CHD1: variants seen among roughly 807,000 people sequenced by gnomAD.
The protein encoded by CHD1 is chromodomain helicase DNA binding protein 1, also known as ATP-dependent chromatin remodeler CHD1.
Under a neutral mutation model 224.2 loss-of-function variants are expected in CHD1, and 36 were observed. That is an observed-to-expected ratio of 0.16 (90% CI 0.12 to 0.21). The LOEUF is 0.21. Ranked by LOEUF, CHD1 falls within the 10% of genes least tolerant of loss-of-function variation. CHD1 has a pLI of 1.00. For missense variants in CHD1, 1,378 were observed against 1,994.8 expected (o/e 0.69, Z 5.89); for synonymous variants, 668 against 658.3 (o/e 1.01, Z -0.23).
At chr5:98,921,894 G>T (rs1002460084) in intron 2 of CHD1, among the ~76,000 whole-genome samples, 3 of 152,190 alleles carry the variant, frequency 2.0e-5, no homozygotes, top group African/African-American at 7.2e-5. Context: ...GCTCATGCCT[G>T]TAATCCCAGC....
chr5:98,862,237 C>A (rs893959441), intron 32 of CHD1, among the ~76,000 whole-genome samples: 9 of 152,328 alleles, frequency 5.9e-5, no homozygotes, highest in African/African-American at 2.2e-4. Flanking sequence ...CTCTTTCCTT[C>A]CCCATCTCCC....
intron 15 of CHD1, among the ~76,000 whole-genome samples, chr5:98,890,703 C>T (rs541320486): frequency 1.1e-4 from 16 of 152,108 alleles, no homozygotes; most frequent in Non-Finnish European, 2.2e-4. Context: ...ACAAAATATA[C>T]TCTTCTCATA....
intron 2 of CHD1, among the ~76,000 whole-genome samples, chr5:98,910,921 GAC>G (rs1420528129): frequency 6.6e-6 from 1 of 150,928 alleles, no homozygotes; most frequent in Non-Finnish European, 1.5e-5. Flanking sequence ...TTTTATTTAT[GAC>G]AGTGTGTATT....
At chr5:98,897,348 A>T in intron 10 of CHD1, 28 bp from the exon 11 acceptor site, 27 of 1,457,836 alleles carry the variant, frequency 1.9e-5, no homozygotes, top group Non-Finnish European at 2.5e-5. Flanking sequence ...ATTATTATGT[A>T]GAGTTATTAA....
At position 98,887,279 on chromosome 5, in the gene CHD1, C is replaced by G. The variant is rs144101994; in HGVS notation, c.2496+809G>C. Among the ~76,000 whole-genome samples, 230 of 152,256 alleles carry G rather than the reference C, an allele frequency of 1.5e-3. 1 individual carries two copies. In the East Asian group the frequency reaches 0.015, roughly 10 times the overall value. On this transcript the variant is annotated intron_variant, in intron 17 of 35. Transcript: ENST00000614616. ...CAAATACCTGTCCTTCTTCACAACA[C>G]TTACCAGAATTGTAATGTTACATTT... is the stretch of plus-strand genomic sequence containing the variant.
In CHD1 at chr5:98,882,090, C is replaced by T. The variant is rs1483530864; in HGVS notation, c.2752G>A (p.Val918Ile). ...GCCCTTTCAAGAATATCTTCTTCAA[C>T]TGATCCCTTTGTAACTAGACGATAA... ...NIYRLVTKGS[V>I]EEDILERAKK... The change falls in exon 20 of 36, where the codon GTT becomes ATT. Residue 918 changes from valine (V) to isoleucine (I), a missense_variant. Transcript: ENST00000614616. 2 of 1,613,276 alleles carry T rather than the reference C, an allele frequency of 1.2e-6. No homozygotes were observed. The highest frequency in any genetic ancestry group is 1.3e-5 in the African/African-American group (1 of 74,888).
At position 98,856,169 on chromosome 5, in the gene CHD1, C is replaced by T. The variant is rs1748005349; in HGVS notation, c.*211G>A. The T allele has an allele frequency of 2.5e-6, 1 of 405,432 alleles. No individual in the cohort carries two copies. The highest frequency in any genetic ancestry group is 3.8e-5 in the Admixed American group (1 of 26,374). 25.1% of individuals were successfully genotyped at this position (405,432 alleles called of 1,614,324 possible). A position where few individuals can be genotyped will look rare whatever the true frequency, so the allele number is the denominator to read the frequency against. ...AAAAAGAAAACAAAAAAAAGTACTA[C>T]AATTTTGTAGTACAGTGCAGCATAA... is the stretch of plus-strand genomic sequence containing the variant. On this transcript the variant is annotated 3_prime_UTR_variant, in exon 36 of 36. Transcript: ENST00000614616.
At chr5:98,881,435 G>T in intron 20 of CHD1, 60 bp from the exon 21 acceptor site, 1 of 756,524 alleles carries the variant, frequency 1.3e-6, no homozygotes, top group Non-Finnish European at 2.1e-6. Context: ...CAGTTACACA[G>T]CACTTTTATT....
chr5:98,897,385 A>ATCTTTT, intron 10 of CHD1, 65 bp from the exon 11 acceptor site: 1 of 1,159,100 alleles, frequency 8.6e-7, no homozygotes, highest in Non-Finnish European at 1.2e-6. Context: ...TAAAAGATGA[A>ATCTTTT]AGCCTCAGCT....
intron 24 of CHD1, among the ~76,000 whole-genome samples, chr5:98,875,596 A>G (rs1292974755): frequency 6.6e-6 from 1 of 152,218 alleles, no homozygotes; most frequent in Non-Finnish European, 1.5e-5. Context: ...AAAAATATCC[A>G]GGTAAAGTAG....
At chr5:98,858,414 T>C in intron 34 of CHD1, 24 bp from the exon 35 acceptor site, 1 of 1,570,416 alleles carries the variant, frequency 6.4e-7, no homozygotes, top group Non-Finnish European at 8.7e-7. Context: ...ACAACTTTTA[T>C]TAATGACCTT....
At chr5:98,922,380 T>C (rs896663390) in intron 2 of CHD1, among the ~76,000 whole-genome samples, 4 of 152,198 alleles carry the variant, frequency 2.6e-5, no homozygotes, top group African/African-American at 9.6e-5. Context: ...TTCAAGACTG[T>C]CAGCAATAGC....
At chr5:98,861,627 G>A (rs1748473105) in intron 32 of CHD1, among the ~76,000 whole-genome samples, 1 of 151,028 alleles carries the variant, frequency 6.6e-6, no homozygotes, top group Non-Finnish European at 1.5e-5. Context: ...TCAGCCTCCT[G>A]AGTAGCTGGT....
chr5:98,892,984 C>CA (rs1436917217), intron 14 of CHD1, among the ~76,000 whole-genome samples: 3 of 151,868 alleles, frequency 2.0e-5, no homozygotes, highest in East Asian at 3.9e-4. Context: ...AAATATTTCT[C>CA]AAAAAAATAT....
intron 13 of CHD1, 105 bp from the exon 14 acceptor site, chr5:98,893,711 C>A: frequency 1.4e-6 from 1 of 718,754 alleles, no homozygotes. Context: ...AAATTAAAAA[C>A]AAACTTTGTC....
intron 35 of CHD1, 34 bp from the exon 36 acceptor site, chr5:98,856,759 C>G: frequency 7.5e-7 from 1 of 1,342,276 alleles, no homozygotes; most frequent in South Asian, 1.3e-5. Context: ...TTAGACAAAT[C>G]ATGCAAATTA....
chr5:98,860,843 C>T (rs1027003637), intron 32 of CHD1, among the ~76,000 whole-genome samples: 1 of 152,016 alleles, frequency 6.6e-6, no homozygotes, highest in African/African-American at 2.4e-5. Flanking sequence ...TTGAATGATA[C>T]CTTACTGAAA....
At chr5:98,900,442 T>A (rs1413115882) in intron 7 of CHD1, among the ~76,000 whole-genome samples, 1 of 132,904 alleles carries the variant, frequency 7.5e-6, no homozygotes, top group Non-Finnish European at 1.6e-5. Flanking sequence ...ATACTTTACC[T>A]TTTTTTTTTT....
At chr5:98,901,817 T>C (rs1034782092) in intron 5 of CHD1, among the ~76,000 whole-genome samples, 14 of 151,968 alleles carry the variant, frequency 9.2e-5, no homozygotes, top group African/African-American at 3.4e-4. Flanking sequence ...ACCTGTATTA[T>C]TATTTTTAGT....
Sources: gnomAD v4.1 joint callset for allele counts (sites outside exome capture counted in the v4.1 genomes callset) on GRCh38, gnomAD v4.1.1 for gene constraint, MANE v1.5 for transcripts, NCBI Gene and HGNC (gene_info 2026-07-23, HGNC 2026-07-21) for gene names.